The following VRK2 variants were observed in gnomAD, a reference collection of about 807,000 sequenced individuals.
The protein encoded by VRK2 is VRK serine/threonine kinase 2.
Under a neutral mutation model 57.6 loss-of-function variants are expected in VRK2, and 60 were observed. That is an observed-to-expected ratio of 1.04 (90% CI 0.85 to 1.29). The LOEUF (loss-of-function observed/expected upper bound fraction) is 1.29. VRK2 is among the 50% of genes most tolerant of loss of function. The pLI is 0.00. For missense variants in VRK2, 705 were observed against 588.1 expected, an observed-to-expected ratio of 1.20 and a Z score of -2.06; for synonymous variants, 231 against 199.2, an observed-to-expected ratio of 1.16 and a Z score of -1.35.
chr2:58,008,075 T>A (rs1283146466), intron 1 of VRK2, among the ~76,000 whole-genome samples: 1 of 152,118 alleles, frequency 6.6e-6, no homozygotes, highest in African/African-American at 2.4e-5. Context: ...GAACATTTTT[T>A]AAAGAACTAT....
chr2:57,921,941 T>C (rs753600046), intron 1 of VRK2, among the ~76,000 whole-genome samples: 4 of 152,134 alleles, frequency 2.6e-5, no homozygotes, highest in Non-Finnish European at 5.9e-5. Context: ...CAATTACTTA[T>C]ACAATCCAAA....
chr2:58,016,953 T>C (rs1005849021), intron 1 of VRK2, among the ~76,000 whole-genome samples: 12 of 152,068 alleles, frequency 7.9e-5, no homozygotes, highest in East Asian at 5.8e-4. Context: ...TTTAGGGGAG[T>C]TGACATGAGA....
chr2:58,076,819 T>C (rs372013648), intron 2 of VRK2, among the ~76,000 whole-genome samples: 51 of 152,088 alleles, frequency 3.4e-4, no homozygotes, highest in African/African-American at 1.2e-3. Flanking sequence ...TCACCTATTT[T>C]GTTTGTTTTT....
At position 58,039,466 on chromosome 2, in the gene VRK2, C is replaced by CCTCT. The variant is rs201054943; in HGVS notation, c.-6+5914_-6+5917dup. On this transcript the variant is annotated intron_variant, in intron 3 of 15. Transcript: ENST00000417641. ...TTGAATTCTTGTCTTTTCTGTTTCT[C>CCTCT]CTCTAGCCTTCTTAATTATTTTTCT... Among the ~76,000 whole-genome samples, 1,073 of 152,200 alleles carry CCTCT rather than the reference C, an allele frequency of 7.0e-3. 10 individuals carry two copies. The highest frequency in any genetic ancestry group is 0.024 in the African/African-American group (995 of 41,526).
intron 7 of VRK2, among the ~76,000 whole-genome samples, chr2:58,098,126 TAAAA>T (rs967676872): frequency 2.6e-5 from 4 of 151,338 alleles, no homozygotes; most frequent in African/African-American, 9.7e-5. Flanking sequence ...TTTAAAAAAA[TAAAA>T]AAGAAAATAA....
intron 2 of VRK2, among the ~76,000 whole-genome samples, chr2:58,059,853 A>T (rs193046487): frequency 2.6e-5 from 4 of 151,954 alleles, no homozygotes; most frequent in African/African-American, 9.6e-5. Flanking sequence ...TTTAGCAAGG[A>T]AAAGAATGAA....
At chr2:58,045,506 ATC>A (rs1674673865), upstream of VRK2, among the ~76,000 whole-genome samples, 1 of 152,256 alleles carries the variant, frequency 6.6e-6, no homozygotes, top group African/African-American at 2.4e-5. Context: ...GTAATTATGC[ATC>A]TGTTATATAA....
intron 2 of VRK2, among the ~76,000 whole-genome samples, chr2:58,082,109 A>G (rs891197333): frequency 1.3e-5 from 2 of 151,846 alleles, no homozygotes; most frequent in Admixed American, 6.6e-5. Context: ...GGAAGCTTAT[A>G]GAGAATATTG....
intron 1 of VRK2, among the ~76,000 whole-genome samples, chr2:57,934,233 A>G (rs1670831005): frequency 6.6e-6 from 1 of 152,136 alleles, no homozygotes. Context: ...TGAGTTTCAT[A>G]CTTTCATATA....
chr2:58,051,223 T>C (rs1675690548), intron 2 of VRK2, among the ~76,000 whole-genome samples: 1 of 152,182 alleles, frequency 6.6e-6, no homozygotes. Context: ...AAGGGAACAT[T>C]CTCTAGTATC....
In VRK2 at chr2:57,925,827, C is replaced by G. The variant is rs1670512962; in HGVS notation, c.-439+17988C>G. Among the ~76,000 whole-genome samples, 3 of 151,186 alleles carry G rather than the reference C, an allele frequency of 2.0e-5. No homozygotes were observed. In the South Asian group the frequency reaches 6.3e-4, roughly 32 times the overall value. ...TTTTAAGATGTATTGTTAGGTTGTT[C>G]ATTTGAGGTTTTTGGCTTTCTTGAT... On this transcript the variant is annotated intron_variant, in intron 1 of 15. Coordinates refer to the VRK2 transcript ENST00000417641.
rs368875141 is a variant in VRK2, at chr2:58,070,593, A to G, written c.137-13496A>G. ...CTACACTATGTAACCTTTTCAGACT[A>G]GCTTCTTTCACAAAACTATATGTTT... On this transcript the variant is annotated intron_variant, in intron 2 of 12. Coordinates refer to ENST00000340157, the MANE Select transcript of VRK2 (RefSeq NM_006296.7). 3.3e-5 allele frequency among the ~76,000 whole-genome samples: 5 copies of G among 152,226 alleles called. 1 individual carries two copies. The highest frequency in any genetic ancestry group is 1.2e-4 in the African/African-American group (5 of 41,542).
chr2:58,024,479 C>T (rs1673863145), intron 1 of VRK2, among the ~76,000 whole-genome samples: 1 of 152,056 alleles, frequency 6.6e-6, no homozygotes, highest in Non-Finnish European at 1.5e-5. Context: ...ACTCTAAATT[C>T]AGTTAATTTG....
chr2:57,926,998 T>TTGTGTGTGTGTGTGTG (rs57943937), intron 1 of VRK2, among the ~76,000 whole-genome samples: 6,222 of 142,368 alleles, frequency 0.044, 213 homozygotes, highest in Admixed American at 0.095. Context: ...TTTTAATTTC[T>TTGTGTGTGTGTGTGTG]TGTGTGTGTG....
rs200825336 is a variant in VRK2, at chr2:58,156,583, T to TTTTTGTTTTG, written c.1183-2741_1183-2732dup. Among the ~76,000 whole-genome samples, 17 of 145,044 alleles carry TTTTTGTTTTG rather than the reference T, an allele frequency of 1.2e-4. No individual in the cohort carries two copies. In the East Asian group the frequency reaches 2.5e-3, roughly 21 times the overall value. The stretch of plus-strand genomic sequence containing the variant: ...TACCTCAGGTTGGGTGGTGGTGTTT[T>TTTTTGTTTTG]TTTTGTTTTGTTTTGTTTTGTTTTG... On this transcript the variant is annotated intron_variant, in intron 12 of 12. Coordinates refer to ENST00000340157, the MANE Select transcript of VRK2 (RefSeq NM_006296.7).
chr2:58,077,586 C>A (rs1670292579), intron 2 of VRK2, among the ~76,000 whole-genome samples: 1 of 151,786 alleles, frequency 6.6e-6, no homozygotes, highest in Non-Finnish European at 1.5e-5. Flanking sequence ...GTCATCTGGC[C>A]CCCAAAAGTG....
Position 58,131,941 on chromosome 2 carries a change from A to G in VRK2, c.797+13A>G. 1 of 1,613,954 alleles carries G rather than the reference A, an allele frequency of 6.2e-7. No individual in the cohort carries two copies. The highest frequency in any genetic ancestry group is 8.5e-7 in the Non-Finnish European group (1 of 1,179,902). On this transcript the variant is annotated intron_variant, in intron 9 of 12. Coordinates refer to ENST00000340157, the MANE Select transcript of VRK2 (RefSeq NM_006296.7). ...CTGCTAAAACAAAGTACAAATTTTC[A>G]AGTATTTCATCATGTACTGCACCAG...
chr2:58,015,841 T>C (rs1673563908), intron 1 of VRK2, among the ~76,000 whole-genome samples: 1 of 152,196 alleles, frequency 6.6e-6, no homozygotes, highest in South Asian at 2.1e-4. Context: ...GTATAGAATA[T>C]TGGAAATTAT....
chr2:57,979,866 T>G (rs1317614618), intron 1 of VRK2, among the ~76,000 whole-genome samples: 1 of 152,226 alleles, frequency 6.6e-6, no homozygotes, highest in African/African-American at 2.4e-5. Flanking sequence ...TTTGTATTTC[T>G]GTAGGATTTG....
Sources: allele counts gnomAD v4.1 joint callset (sites outside exome capture counted in the v4.1 genomes callset), GRCh38; gene constraint gnomAD v4.1.1; transcripts MANE v1.5; gene names NCBI Gene and HGNC (gene_info 2026-07-23, HGNC 2026-07-21).